The following THSD7A variants were observed in gnomAD, a reference collection of about 807,000 sequenced individuals.
THSD7A encodes the protein thrombospondin type-1 domain-containing protein 7A.
Under a neutral mutation model 231.3 loss-of-function variants are expected in THSD7A, and 96 were observed. The ratio of observed to expected loss-of-function variants is 0.41; its 90% CI spans 0.35 to 0.49. THSD7A has a LOEUF of 0.49. THSD7A is among the 20% of genes least tolerant of loss of function. THSD7A has a pLI of 0.05. For missense variants in THSD7A, 2,290 were observed against 2,070.2 expected (o/e 1.11, Z -2.06); for synonymous variants, 940 against 743.3 (o/e 1.26, Z -4.30).
intron 1 of THSD7A, among the ~76,000 whole-genome samples, chr7:11,817,558 A>G (rs1232112710): frequency 6.6e-6 from 1 of 152,196 alleles, no homozygotes; most frequent in African/African-American, 2.4e-5. Flanking sequence ...AGGAAGAGGA[A>G]TCAAAGTAAA....
chr7:11,371,457 T>TC lies in THSD7A; in HGVS notation c.*4336dup, dbSNP rs1782049012. On this transcript the variant is annotated 3_prime_UTR_variant, in exon 28 of 28. Coordinates refer to ENST00000423059, the MANE Select transcript of THSD7A (RefSeq NM_015204.3). ...GATTTGCTCAAGGACTACTGTTTTT[T>TC]CAACACCCTCAATCTTACAGTGGAA... 1 of 152,178 alleles carries TC rather than the reference T, an allele frequency of 6.6e-6. No homozygotes were observed. 9.4% of individuals were successfully genotyped at this position (152,178 alleles called of 1,614,324 possible). A position where few individuals can be genotyped will look rare whatever the true frequency, so the allele number is the denominator to read the frequency against.
intron 4 of THSD7A, among the ~76,000 whole-genome samples, chr7:11,556,221 C>T (rs1378689690): frequency 6.6e-6 from 1 of 151,332 alleles, no homozygotes; most frequent in Non-Finnish European, 1.5e-5. Context: ...GCATGTCCTT[C>T]TATAGCTCTT....
chr7:11,461,965 C>G (rs555359878), intron 10 of THSD7A, 46 bp downstream of exon 10: 10 of 1,591,866 alleles, frequency 6.3e-6, no homozygotes, highest in Non-Finnish European at 8.6e-6. Flanking sequence ...GTGGAGTTGA[C>G]GTATTTGTTC....
chr7:11,593,588 G>T (rs1308805214), intron 2 of THSD7A, 86 bp from the exon 3 acceptor site: 2 of 1,497,922 alleles, frequency 1.3e-6, no homozygotes, highest in African/African-American at 1.4e-5. Context: ...ATCAGCTTGG[G>T]CATTTTTATT....
At chr7:11,571,825 T>G (rs1790646998) in intron 4 of THSD7A, among the ~76,000 whole-genome samples, 1 of 152,224 alleles carries the variant, frequency 6.6e-6, no homozygotes, top group Non-Finnish European at 1.5e-5. Context: ...CTCTGGCTGC[T>G]TTAAAATTTT....
chr7:11,684,823 A>G (rs556117590), intron 1 of THSD7A, among the ~76,000 whole-genome samples: 1 of 152,144 alleles, frequency 6.6e-6, no homozygotes, highest in East Asian at 1.9e-4. Context: ...GATTCTAAGC[A>G]ATTCCTATCA....
At chr7:11,471,920 C>A (rs1329905898) in intron 8 of THSD7A, among the ~76,000 whole-genome samples, 1 of 152,082 alleles carries the variant, frequency 6.6e-6, no homozygotes, top group Non-Finnish European at 1.5e-5. Flanking sequence ...ATAACTTTAA[C>A]AATGAGAGAG....
intron 2 of THSD7A, among the ~76,000 whole-genome samples, chr7:11,618,440 C>T (rs1781185005): frequency 2.0e-5 from 3 of 152,052 alleles, no homozygotes; most frequent in Admixed American, 2.0e-4. Flanking sequence ...ATGAATACAC[C>T]TTATTAACAT....
intron 5 of THSD7A, 86 bp downstream of exon 5, chr7:11,542,876 A>C: frequency 7.1e-7 from 1 of 1,407,648 alleles, no homozygotes; most frequent in Non-Finnish European, 9.6e-7. Flanking sequence ...ACCACAAACA[A>C]GGAACACAGA....
chr7:11,707,893 T>C (rs1584242311), intron 1 of THSD7A, among the ~76,000 whole-genome samples: 2 of 150,888 alleles, frequency 1.3e-5, no homozygotes, highest in Non-Finnish European at 3.0e-5. Context: ...TTTTTGATTG[T>C]TTAACACACT....
intron 23 of THSD7A, among the ~76,000 whole-genome samples, chr7:11,390,535 C>T (rs1277818375): frequency 6.6e-6 from 1 of 152,172 alleles, no homozygotes; most frequent in Admixed American, 6.5e-5. Context: ...AGCTTCCTTG[C>T]ATTTGGTTAG....
chr7:11,749,938 C>G (rs1016294342), intron 1 of THSD7A, among the ~76,000 whole-genome samples: 1 of 151,726 alleles, frequency 6.6e-6, no homozygotes, highest in African/African-American at 2.4e-5. Context: ...TGAACAGATT[C>G]TGTCAAACAG....
At chr7:11,453,590 T>C (rs1321107104) in intron 11 of THSD7A, among the ~76,000 whole-genome samples, 2 of 151,964 alleles carry the variant, frequency 1.3e-5, no homozygotes, top group Non-Finnish European at 2.9e-5. Context: ...TAGATTAGGC[T>C]AGACGGGGTA....
At chr7:11,757,845 T>C (rs1782733928) in intron 1 of THSD7A, among the ~76,000 whole-genome samples, 1 of 151,654 alleles carries the variant, frequency 6.6e-6, no homozygotes, top group Admixed American at 6.6e-5. Flanking sequence ...GCTAGTCAAG[T>C]GTTAATTACT....
intron 16 of THSD7A, 24 bp downstream of exon 16, chr7:11,424,672 C>T: frequency 6.2e-7 from 1 of 1,613,386 alleles, no homozygotes; most frequent in Non-Finnish European, 8.5e-7. Flanking sequence ...TCTTGCTTTT[C>T]TGTATAATTA....
At chr7:11,550,788 G>A (rs887092442) in intron 4 of THSD7A, among the ~76,000 whole-genome samples, 6 of 152,042 alleles carry the variant, frequency 3.9e-5, no homozygotes, top group Non-Finnish European at 8.8e-5. Flanking sequence ...ACAATTTACA[G>A]ATCCAGTTCT....
At position 11,576,091 on chromosome 7, in the gene THSD7A, C is replaced by G. The variant is rs567006179; in HGVS notation, c.1453+14369G>C. Among the ~76,000 whole-genome samples, 8 of 152,290 alleles carry G rather than the reference C, an allele frequency of 5.3e-5. No individual in the cohort carries two copies. The South Asian group carries it at 1.7e-3, about 32-fold the overall frequency. ...GCTTAGAGCCAGAAGTTGTGGCCTA[C>G]TTCAAGAAATTCACAGAATCTTATG... On this transcript the variant is annotated intron_variant, in intron 4 of 27. Coordinates refer to ENST00000423059, the MANE Select transcript of THSD7A (RefSeq NM_015204.3).
Position 11,532,157 on chromosome 7 carries a change from G to C in THSD7A, c.1822+9262C>G, listed in dbSNP as rs551259902. Among the ~76,000 whole-genome samples, 7 of 151,908 alleles carry C rather than the reference G, an allele frequency of 4.6e-5. No homozygotes were observed. The South Asian group carries it at 1.5e-3, about 32-fold the overall frequency. ...GAGAGGACACCTGGAGATAAAATGA[G>C]GCACCTTCATTGACATCAGTGGGGC... On this transcript the variant is annotated intron_variant, in intron 6 of 27. Transcript: ENST00000423059.
intron 6 of THSD7A, among the ~76,000 whole-genome samples, chr7:11,511,354 T>C (rs1265695817): frequency 5.3e-5 from 8 of 152,250 alleles, no homozygotes; most frequent in East Asian, 3.9e-4. Context: ...AATGGCCATA[T>C]TGCCCAAAGT....
Sources: allele counts gnomAD v4.1 joint callset (sites outside exome capture counted in the v4.1 genomes callset), GRCh38; gene constraint gnomAD v4.1.1; transcripts MANE v1.5; gene names NCBI Gene and HGNC (gene_info 2026-07-23, HGNC 2026-07-21).